MYO1E: variants seen among roughly 807,000 people sequenced by gnomAD.
MYO1E encodes the protein unconventional myosin-Ie.
Under a neutral mutation model 151.1 loss-of-function variants are expected in MYO1E, and 68 were observed. The observed-to-expected ratio is 0.45, with a 90% confidence interval of 0.37 to 0.55. The LOEUF (loss-of-function observed/expected upper bound fraction) is 0.55, where lower values mean the gene tolerates loss of function less well. Among genes scored for constraint, MYO1E ranks in the 20% least tolerant of loss-of-function variants. The pLI is 0.00. For synonymous variants in MYO1E, 601 were observed against 501.7 expected, an observed-to-expected ratio of 1.20 and a Z score of -2.64; for missense variants, 1,363 against 1,389.3, an observed-to-expected ratio of 0.98 and a Z score of 0.30.
At chr15:59,318,276 A>T (rs775198153) in intron 1 of MYO1E, among the ~76,000 whole-genome samples, 2 of 152,200 alleles carry the variant, frequency 1.3e-5, no homozygotes, top group Non-Finnish European at 2.9e-5. Flanking sequence ...TGGAGGTCCC[A>T]TCTTCCTAGT....
chr15:59,272,509 C>T, intron 1 of MYO1E, 60 bp from the exon 2 acceptor site: 1 of 1,552,142 alleles, frequency 6.4e-7, no homozygotes, highest in Non-Finnish European at 8.9e-7. Context: ...GTAACAAAGA[C>T]AAAATGCTGT....
intron 1 of MYO1E, among the ~76,000 whole-genome samples, chr15:59,345,353 T>C (rs2080788443): frequency 6.6e-6 from 1 of 152,144 alleles, no homozygotes; most frequent in Non-Finnish European, 1.5e-5. Context: ...TACCACACAT[T>C]ACCCTCTCTG....
intron 1 of MYO1E, among the ~76,000 whole-genome samples, chr15:59,314,870 G>C (rs1477223923): frequency 6.6e-6 from 1 of 152,158 alleles, no homozygotes; most frequent in African/African-American, 2.4e-5. Flanking sequence ...CTGAGGAGGA[G>C]GCAGCTTCCA....
Position 59,200,745 on chromosome 15 carries a change from G to A in MYO1E, c.1698+1581C>T, listed in dbSNP as rs549675828. ...GTGTTCAGTATGCCTCAGGCACTGC[G>A]TTACATGCTTCCAATGAATTATGAA... On this transcript the variant is annotated intron_variant, in intron 16 of 27. Coordinates refer to ENST00000288235, the MANE Select transcript of MYO1E (RefSeq NM_004998.4). Among the ~76,000 whole-genome samples, 6 of 152,320 alleles carry A rather than the reference G, an allele frequency of 3.9e-5. No individual in the cohort carries two copies. The East Asian group carries it at 5.8e-4, about 15-fold the overall frequency.
At chr15:59,339,409 C>A (rs1239245435) in intron 1 of MYO1E, among the ~76,000 whole-genome samples, 1 of 152,172 alleles carries the variant, frequency 6.6e-6, no homozygotes, top group Non-Finnish European at 1.5e-5. Flanking sequence ...GGTTATTTGA[C>A]GTACAAAACC....
intron 24 of MYO1E, among the ~76,000 whole-genome samples, chr15:59,158,617 G>A (rs1484529048): frequency 3.3e-5 from 5 of 152,092 alleles, no homozygotes; most frequent in East Asian, 1.9e-4. Flanking sequence ...TAGAGACAGT[G>A]GTTCTTAAAG....
At chr15:59,161,027 G>T in intron 24 of MYO1E, 46 bp downstream of exon 24, 1 of 1,610,184 alleles carries the variant, frequency 6.2e-7, no homozygotes, top group South Asian at 1.1e-5. Context: ...CGGGAGACTC[G>T]GGGGAGCGGC....
intron 1 of MYO1E, among the ~76,000 whole-genome samples, chr15:59,309,307 T>C (rs536019412): frequency 6.6e-6 from 1 of 152,176 alleles, no homozygotes; most frequent in African/African-American, 2.4e-5. Flanking sequence ...AAAATGAAGC[T>C]TCCATAAGTT....
chr15:59,226,964 A>G (rs1476868294), intron 7 of MYO1E, among the ~76,000 whole-genome samples: 46 of 152,316 alleles, frequency 3.0e-4, no homozygotes, highest in African/African-American at 2.4e-5. Context: ...AAAGATCCCA[A>G]ACCTATCTCA....
intron 22 of MYO1E, among the ~76,000 whole-genome samples, chr15:59,171,498 C>T (rs1053333356): frequency 1.3e-5 from 2 of 152,200 alleles, no homozygotes; most frequent in South Asian, 4.1e-4. Context: ...TTTCAGGACC[C>T]TCTGCTCAGG....
intron 10 of MYO1E, among the ~76,000 whole-genome samples, chr15:59,217,100 C>T (rs1336160600): frequency 1.3e-5 from 2 of 152,168 alleles, no homozygotes; most frequent in African/African-American, 4.8e-5. Flanking sequence ...AACCACAGTT[C>T]CAATCAGCTT....
intron 22 of MYO1E, among the ~76,000 whole-genome samples, chr15:59,170,956 T>A (rs551350627): frequency 1.3e-5 from 2 of 152,208 alleles, no homozygotes; most frequent in Non-Finnish European, 2.9e-5. Context: ...TCCATGTTCA[T>A]GTGAGAGCAG....
intron 26 of MYO1E, among the ~76,000 whole-genome samples, chr15:59,149,233 T>G (rs1368184370): frequency 6.6e-6 from 1 of 151,994 alleles, no homozygotes; most frequent in East Asian, 1.9e-4. Flanking sequence ...ATTGTTTGTG[T>G]TTTTAGTGGA....
intron 1 of MYO1E, among the ~76,000 whole-genome samples, chr15:59,292,930 C>CAGGCAAATGGGAGTTTGT (rs2073821893): frequency 6.6e-6 from 1 of 152,074 alleles, no homozygotes; most frequent in Non-Finnish European, 1.5e-5. Flanking sequence ...TTTGAGGTGG[C>CAGGCAAATGGGAGTTTGT]AGGCAAATGG....
At chr15:59,332,807 C>T (rs2080705721) in intron 1 of MYO1E, among the ~76,000 whole-genome samples, 1 of 152,110 alleles carries the variant, frequency 6.6e-6, no homozygotes, top group African/African-American at 2.4e-5. Flanking sequence ...AAGTGATCCT[C>T]CCACCTCGGC....
intron 4 of MYO1E, among the ~76,000 whole-genome samples, chr15:59,255,742 G>C (rs1481890528): frequency 6.6e-6 from 1 of 152,132 alleles, no homozygotes; most frequent in Non-Finnish European, 1.5e-5. Flanking sequence ...TTTTAAGAAA[G>C]TTTACGAATT....
chr15:59,256,182 G>C, intron 4 of MYO1E, 102 bp downstream of exon 4: 2 of 840,122 alleles, frequency 2.4e-6, no homozygotes, highest in Non-Finnish European at 4.0e-6. Flanking sequence ...ACCAGGCTGT[G>C]ACATCAGTAG....
intron 7 of MYO1E, 78 bp downstream of exon 7, chr15:59,227,381 T>A (rs2079998470): frequency 6.4e-7 from 1 of 1,551,186 alleles, no homozygotes. Flanking sequence ...TAGACTATAG[T>A]CTATGCCTGA....
chr15:59,178,582 G>T, intron 18 of MYO1E, 45 bp from the exon 19 acceptor site: 1 of 1,603,346 alleles, frequency 6.2e-7, no homozygotes. Context: ...GGGCGGGACC[G>T]CACTGGTTTT....
Sources: allele counts gnomAD v4.1 joint callset (sites outside exome capture counted in the v4.1 genomes callset), GRCh38; gene constraint gnomAD v4.1.1; transcripts MANE v1.5; gene names NCBI Gene and HGNC (gene_info 2026-07-23, HGNC 2026-07-21).